ZNF469: variants seen among roughly 807,000 people sequenced by gnomAD.
The protein encoded by ZNF469 is zinc finger protein 469.
ZNF469 carries 1 observed loss-of-function variant against 1.0 expected under a neutral mutation model. The observed-to-expected ratio is 1.00, with a 90% CI of 0.35 to 4.73. The LOEUF (loss-of-function observed/expected upper bound fraction) is 4.73. Among genes scored for constraint, ZNF469 ranks in the 30% most tolerant of loss-of-function variants. The probability of loss-of-function intolerance (pLI) is 0.16; values close to 1 mark genes in which losing one functional copy is unlikely to be tolerated. For synonymous variants in ZNF469, 2,703 were observed against 2,363.4 expected (o/e 1.14, Z -4.17); for missense variants, 6,100 against 5,356.3 (o/e 1.14, Z -4.33).
the ZNF469 span, among the ~76,000 whole-genome samples, chr16:88,109,363 C>A: frequency 6.6e-6 from 1 of 152,250 alleles, no homozygotes; most frequent in African/African-American, 2.4e-5. Context: ...TCCAAGGAGC[C>A]TCTGCACCTC....
the ZNF469 span, among the ~76,000 whole-genome samples, chr16:88,263,832 C>T: frequency 6.6e-6 from 1 of 152,112 alleles, no homozygotes; most frequent in Non-Finnish European, 1.5e-5. Context: ...CCTGGGTCCC[C>T]CACCTCCGAG....
chr16:88,375,008 G>A, the ZNF469 span, among the ~76,000 whole-genome samples: 6 of 152,374 alleles, frequency 3.9e-5, no homozygotes, highest in East Asian at 7.7e-4. Flanking sequence ...TGCAGAAACC[G>A]CCCAGGCACC....
At chr16:88,214,095 C>T in the ZNF469 span, among the ~76,000 whole-genome samples, 9 of 152,178 alleles carry the variant, frequency 5.9e-5, no homozygotes, top group Admixed American at 2.6e-4. Flanking sequence ...GTCCTCTCTT[C>T]GCTTAACAGG....
chr16:88,418,065 G>T (rs1240049710), intron 1 of ZNF469, among the ~76,000 whole-genome samples: 1 of 152,124 alleles, frequency 6.6e-6, no homozygotes, highest in Non-Finnish European at 1.5e-5. Context: ...AGCTCCTGGA[G>T]ACCCCAGGAA....
intron 1 of ZNF469, among the ~76,000 whole-genome samples, chr16:88,405,384 G>C (rs1197734823): frequency 6.6e-6 from 1 of 152,196 alleles, no homozygotes; most frequent in Non-Finnish European, 1.5e-5. Context: ...AGAGGGGAGT[G>C]GCCACATGGG....
chr16:88,114,432 G>A, the ZNF469 span, among the ~76,000 whole-genome samples: 2 of 149,146 alleles, frequency 1.3e-5, no homozygotes, highest in East Asian at 3.9e-4. Flanking sequence ...CTCACTGCGG[G>A]GGTCTCCGGG....
chr16:88,217,417 C>T, the ZNF469 span, among the ~76,000 whole-genome samples: 2 of 152,126 alleles, frequency 1.3e-5, no homozygotes, highest in Non-Finnish European at 2.9e-5. Flanking sequence ...TAAACATTGC[C>T]TTGTGACTGT....
the ZNF469 span, among the ~76,000 whole-genome samples, chr16:88,196,203 G>T: frequency 6.6e-6 from 1 of 152,170 alleles, no homozygotes; most frequent in African/African-American, 2.4e-5. Flanking sequence ...CTTAGAAGTG[G>T]AGTACCTGTC....
the ZNF469 span, among the ~76,000 whole-genome samples, chr16:88,301,788 G>A: frequency 6.6e-6 from 1 of 152,140 alleles, no homozygotes; most frequent in Non-Finnish European, 1.5e-5. Context: ...CTGAGAAACA[G>A]GCCTCACCTT....
At chr16:88,220,136 TG>T in the ZNF469 span, among the ~76,000 whole-genome samples, 3 of 152,146 alleles carry the variant, frequency 2.0e-5, no homozygotes, top group African/African-American at 7.2e-5. Flanking sequence ...GGCCCCATGG[TG>T]GCCTCATTCC....
the ZNF469 span, among the ~76,000 whole-genome samples, chr16:88,291,757 A>G: frequency 6.6e-6 from 1 of 152,000 alleles, no homozygotes; most frequent in East Asian, 1.9e-4. Context: ...TGGAGCCGCC[A>G]TATTGGATCC....
the ZNF469 span, among the ~76,000 whole-genome samples, chr16:88,107,120 G>T: frequency 6.6e-6 from 1 of 151,250 alleles, no homozygotes; most frequent in Non-Finnish European, 1.5e-5. Flanking sequence ...GACTGTCCCA[G>T]GCTTCAGACA....
At chr16:88,296,708 GCT>G in the ZNF469 span, among the ~76,000 whole-genome samples, 2 of 151,312 alleles carry the variant, frequency 1.3e-5, no homozygotes, top group African/African-American at 2.4e-5. Flanking sequence ...GCAGACCCAT[GCT>G]CTCACACATT....
the ZNF469 span, among the ~76,000 whole-genome samples, chr16:88,298,528 T>C: frequency 6.6e-6 from 1 of 152,236 alleles, no homozygotes; most frequent in African/African-American, 2.4e-5. Context: ...TCAGTTGTTT[T>C]AAGCTTTTCA....
chr16:88,438,699 G>C lies in ZNF469; in HGVS notation c.11229G>C (p.Lys3743Asn), dbSNP rs755687249. The C allele has an allele frequency of 6.5e-7, 1 of 1,550,010 alleles. No individual in the cohort carries two copies. The highest frequency in any genetic ancestry group is 1.2e-5 in the South Asian group (1 of 84,032). ...GTGGAAGCCCTCGCCCCGGCACCAA[G>C]ACAGGAGGTGGCAGCCAGCCCCAGC... ...QGSGSPRPGT[K>N]TGGGSQPQPA... The change falls in exon 3 of 3, where the codon AAG (lysine) becomes AAC (asparagine). Residue 3743 changes from lysine to asparagine, a missense_variant. Lys to Asn is a moderately conservative substitution (Grantham distance 94). Transcript: ENST00000565624.
intron 1 of ZNF469, among the ~76,000 whole-genome samples, chr16:88,415,095 C>T (rs537897127): frequency 5.8e-4 from 88 of 152,368 alleles, no homozygotes; most frequent in Non-Finnish European, 1.3e-4. Flanking sequence ...GTCCCTTCCC[C>T]TCTCTGAGCC....
chr16:88,126,590 G>A, the ZNF469 span, among the ~76,000 whole-genome samples: 13 of 108,964 alleles, frequency 1.2e-4, no homozygotes, highest in African/African-American at 3.8e-4. Flanking sequence ...GAATTGTGTT[G>A]ATTGATTTGT....
the ZNF469 span, among the ~76,000 whole-genome samples, chr16:88,272,650 G>C: frequency 1.3e-5 from 2 of 151,986 alleles, no homozygotes; most frequent in African/African-American, 4.8e-5. Flanking sequence ...GGGTAGACGA[G>C]TGGACAGATG....
intron 1 of ZNF469, among the ~76,000 whole-genome samples, chr16:88,420,548 C>T (rs1464528744): frequency 6.6e-6 from 1 of 152,182 alleles, no homozygotes; most frequent in Admixed American, 6.5e-5. Flanking sequence ...CAGGCCTGGT[C>T]CCCAGGGGAT....
Sources: gnomAD v4.1 joint callset for allele counts (sites outside exome capture counted in the v4.1 genomes callset) on GRCh38, gnomAD v4.1.1 for gene constraint, MANE v1.5 for transcripts, NCBI Gene and HGNC (gene_info 2026-07-23, HGNC 2026-07-21) for gene names.